SMC6: variants seen among roughly 807,000 people sequenced by gnomAD.
SMC6 encodes structural maintenance of chromosomes protein 6.
SMC6 carries 79 observed loss-of-function variants against 142.2 expected under a neutral mutation model. The observed-to-expected ratio is 0.56, with a 90% CI of 0.46 to 0.67. The LOEUF (loss-of-function observed/expected upper bound fraction) is 0.67, where lower values mean the gene tolerates loss of function less well. Ranked by LOEUF, SMC6 falls within the 30% of genes least tolerant of loss-of-function variation. The probability of loss-of-function intolerance (pLI) is 0.00; values close to 1 mark genes in which losing one functional copy is unlikely to be tolerated. For synonymous variants in SMC6, 411 were observed against 412.4 expected (o/e 1.00, Z 0.04); for missense variants, 1,072 against 1,284.0 (o/e 0.83, Z 2.52).
At chr2:17,744,130 G>A (rs993349818) in intron 3 of SMC6, among the ~76,000 whole-genome samples, 1 of 152,198 alleles carries the variant, frequency 6.6e-6, no homozygotes, top group African/African-American at 2.4e-5. Flanking sequence ...GTAAGAGGAT[G>A]TTTGGTTTTG....
intron 20 of SMC6, among the ~76,000 whole-genome samples, chr2:17,700,584 T>A (rs1668219327): frequency 6.6e-6 from 1 of 152,194 alleles, no homozygotes. Context: ...GAAGGGATGA[T>A]ATTTAGGAGA....
Position 17,700,348 on chromosome 2 carries a change from T to C in SMC6, c.2254A>G (p.Met752Val). The change falls in exon 21 of 28, where the codon ATG becomes GTG. Residue 752 changes from methionine (M) to valine (V), a missense_variant. Transcript: ENST00000448223. ...TCCATATGTTCCTCAACCATTTTCA[T>C]TTTGCTTTTATTTTCCTGAGCTTCA... ...EDEAQENKSK[M>V]KMVEEHMEQQ... 6.2e-7 allele frequency: 1 copy of C among 1,607,236 alleles called. No homozygotes were observed. Among genetic ancestry groups the C allele is most frequent in the Non-Finnish European group, 8.5e-7 (1 of 1,177,762 alleles).
chr2:17,679,020 A>G (rs966836736), intron 24 of SMC6, 56 bp from the exon 25 acceptor site: 3 of 1,194,624 alleles, frequency 2.5e-6, no homozygotes, highest in East Asian at 4.7e-5. Flanking sequence ...TTTAAAAACT[A>G]TATTCAGCAT....
At chr2:17,736,978 G>A (rs1315894160) in intron 5 of SMC6, among the ~76,000 whole-genome samples, 2 of 152,044 alleles carry the variant, frequency 1.3e-5, no homozygotes, top group Admixed American at 1.3e-4. Context: ...TAACTTAAAG[G>A]TGTTAAAATA....
chr2:17,725,091 T>A (rs1669549356), intron 9 of SMC6, among the ~76,000 whole-genome samples, 166 bp downstream of exon 9: 1 of 152,164 alleles, frequency 6.6e-6, no homozygotes, highest in Admixed American at 6.5e-5. Flanking sequence ...TAATAGCTAA[T>A]TAATACCCGG....
chr2:17,697,275 A>G (rs1490956250), intron 21 of SMC6, among the ~76,000 whole-genome samples: 30 of 152,160 alleles, frequency 2.0e-4, no homozygotes, highest in Admixed American at 2.0e-3. Context: ...TAGAAAAAAA[A>G]AAGGGTAATA....
chr2:17,721,058 G>C lies in SMC6; in HGVS notation c.847-20C>G. The C allele has an allele frequency of 6.2e-7, 1 of 1,612,608 alleles. No individual in the cohort carries two copies. Among genetic ancestry groups the C allele is most frequent in the Non-Finnish European group, 8.5e-7 (1 of 1,179,146 alleles). On this transcript the variant is annotated intron_variant, in intron 10 of 27. Coordinates refer to ENST00000448223, the MANE Select transcript of SMC6 (RefSeq NM_001142286.2). ...ATTGACCTAAGAAAGAAATTATATA[G>C]CAAATTGATCAGATTAACAATAATA...
In SMC6 at chr2:17,735,068, C is replaced by A. The variant is rs573146305; in HGVS notation, c.344+3153G>T. On this transcript the variant is annotated intron_variant, in intron 5 of 27. Transcript: ENST00000448223. ...CTAATAAATACAAGAAAGCAAAATA[C>A]TTCTAAAAAATAACATTTATAAAAA... Among the ~76,000 whole-genome samples, 6 of 152,092 alleles carry A rather than the reference C, an allele frequency of 3.9e-5. No homozygotes were observed. In the East Asian group the frequency reaches 9.7e-4, roughly 25 times the overall value.
chr2:17,746,047 A>T, intron 2 of SMC6, 96 bp from the exon 3 acceptor site: 3 of 1,184,970 alleles, frequency 2.5e-6, no homozygotes, highest in Non-Finnish European at 3.3e-6. Flanking sequence ...AACTTTAGGT[A>T]CTATGTCCAT....
At chr2:17,744,616 T>C (rs988822427) in intron 3 of SMC6, among the ~76,000 whole-genome samples, 2 of 152,206 alleles carry the variant, frequency 1.3e-5, no homozygotes, top group Non-Finnish European at 2.9e-5. Context: ...TAGCACTATG[T>C]TGAATAAGTG....
intron 16 of SMC6, among the ~76,000 whole-genome samples, chr2:17,709,601 T>G (rs567823737): frequency 8.5e-5 from 13 of 152,108 alleles, no homozygotes; most frequent in Non-Finnish European, 1.8e-4. Context: ...ATTCAACACA[T>G]ATTTAGTGAG....
chr2:17,712,521 A>T (rs1572311282), intron 16 of SMC6, among the ~76,000 whole-genome samples: 1 of 152,200 alleles, frequency 6.6e-6, no homozygotes, highest in East Asian at 1.9e-4. Flanking sequence ...CCTTCTGAAA[A>T]GAAGAAACAA....
chr2:17,751,569 A>G (rs1372100269), intron 2 of SMC6, among the ~76,000 whole-genome samples: 1 of 152,108 alleles, frequency 6.6e-6, no homozygotes, highest in African/African-American at 2.4e-5. Context: ...AGTAAAGGAT[A>G]CTCTGCAATG....
chr2:17,745,478 G>A (rs1228934584), intron 3 of SMC6, among the ~76,000 whole-genome samples: 1 of 152,186 alleles, frequency 6.6e-6, no homozygotes, highest in African/African-American at 2.4e-5. Flanking sequence ...ATTTATGTGT[G>A]TAGAGTTGCT....
At position 17,665,508 on chromosome 2, in the gene SMC6, G is replaced by C. The variant is rs139276977; in HGVS notation, c.3267C>G (p.Asp1089Glu). 8.7e-6 allele frequency: 14 copies of C among 1,605,460 alleles called. No homozygotes were observed. Among genetic ancestry groups the C allele is most frequent in the Non-Finnish European group, 1.1e-5 (13 of 1,174,906 alleles). The change falls in exon 28 of 28, where the codon GAC (aspartate) becomes GAG (glutamate). Residue 1089 changes from aspartate to glutamate, a missense_variant. This residue lies in a region of SMC6 where 76 missense variants were observed against 112.3 expected (regional missense o/e 0.68). Transcript: ENST00000448223. Reference sequence around the variant, plus strand: ...CATGTTAAGTTACAAATCACCTTTGGTCATCATCTTCTTCTTGAGTCACAG... The same window carrying C: ...CATGTTAAGTTACAAATCACCTTTGCTCATCATCTTCTTCTTGAGTCACAG... The part of the protein sequence containing the change: ...FRPVTQEEDD[D>E]QR
chr2:17,721,348 C>T (rs1356726327), intron 9 of SMC6, 87 bp from the exon 10 acceptor site: 2 of 1,282,408 alleles, frequency 1.6e-6, no homozygotes, highest in Non-Finnish European at 2.1e-6. Context: ...AAAAACAATG[C>T]CTAAACAAGT....
At chr2:17,727,460 T>C (rs13383049) in intron 7 of SMC6, among the ~76,000 whole-genome samples, 3,578 of 152,074 alleles carry the variant, frequency 0.024, 151 homozygotes, top group African/African-American at 0.083. Context: ...AGACAGCCTA[T>C]TGTGGGACCT....
At chr2:17,710,060 A>C (rs1193660336) in intron 16 of SMC6, among the ~76,000 whole-genome samples, 1 of 152,234 alleles carries the variant, frequency 6.6e-6, no homozygotes, top group African/African-American at 2.4e-5. Context: ...TCCTTTGAGC[A>C]GAGGCACAAC....
intron 5 of SMC6, among the ~76,000 whole-genome samples, chr2:17,736,899 T>A (rs12328424): frequency 1 from 152,011 of 152,012 alleles, 76,005 homozygotes; most frequent in Non-Finnish European, 1. Flanking sequence ...ATGGATTCTA[T>A]TGACTAGTAA....
Sources: gnomAD v4.1 joint callset for allele counts (sites outside exome capture counted in the v4.1 genomes callset) on GRCh38, gnomAD v4.1.1 for gene constraint, gnomAD v4.1.1 regional missense constraint, MANE v1.5 for transcripts, NCBI Gene and HGNC (gene_info 2026-07-23, HGNC 2026-07-21) for gene names.